The following KLHL1 variants were observed in gnomAD, a reference collection of about 807,000 sequenced individuals.
The protein encoded by KLHL1 is kelch-like protein 1.
A neutral mutation model predicts 77.7 loss-of-function variants in KLHL1; 47 were observed. That is an observed-to-expected ratio of 0.60 (90% CI 0.48 to 0.77). The LOEUF (loss-of-function observed/expected upper bound fraction) is 0.77, where lower values mean the gene tolerates loss of function less well. Among genes scored for constraint, KLHL1 ranks in the 30% least tolerant of loss-of-function variants. The pLI is 0.00. For synonymous variants in KLHL1, 360 were observed against 325.2 expected, an observed-to-expected ratio of 1.11 and a Z score of -1.15; for missense variants, 925 against 910.8, an observed-to-expected ratio of 1.02 and a Z score of -0.20.
intron 1 of KLHL1, among the ~76,000 whole-genome samples, chr13:69,994,299 A>C (rs1593659223): frequency 6.6e-6 from 1 of 152,200 alleles, no homozygotes; most frequent in Middle Eastern, 3.4e-3. Flanking sequence ...AGACAATTAG[A>C]GGGCATGAAC....
chr13:69,738,251 T>C (rs1290655639), intron 8 of KLHL1, among the ~76,000 whole-genome samples: 1 of 151,960 alleles, frequency 6.6e-6, no homozygotes, highest in African/African-American at 2.4e-5. Context: ...GTCAGCAGCT[T>C]CAAAAATCAA....
At chr13:69,992,220 T>G (rs1566480035) in intron 1 of KLHL1, among the ~76,000 whole-genome samples, 1 of 152,002 alleles carries the variant, frequency 6.6e-6, no homozygotes. Context: ...AATAATCCAT[T>G]TAGTTAAATT....
intron 8 of KLHL1, 146 bp downstream of exon 8, chr13:69,740,248 C>T: frequency 1.8e-6 from 1 of 571,420 alleles, no homozygotes; most frequent in East Asian, 2.8e-5. Context: ...GAGAGAGCAC[C>T]AGTCTTTATT....
In KLHL1 at chr13:69,928,434, G is replaced by C. The variant is rs760962557; in HGVS notation, c.1014+11606C>G. The stretch of plus-strand genomic sequence containing the variant: ...TTGTCTGCTGCAACCAGGTATCTCA[G>C]CATATTAACTTGCCATGGGCATTGG... On this transcript the variant is annotated intron_variant, in intron 4 of 10. Coordinates refer to ENST00000377844, the MANE Select transcript of KLHL1 (RefSeq NM_020866.3). Among the ~76,000 whole-genome samples the C allele has an allele frequency of 2.0e-5, 3 of 152,140 alleles. No homozygotes were observed. The East Asian group carries it at 5.8e-4, about 29-fold the overall frequency.
intron 6 of KLHL1, among the ~76,000 whole-genome samples, chr13:69,803,511 A>G (rs1402970966): frequency 1.3e-5 from 2 of 152,136 alleles, no homozygotes; most frequent in Non-Finnish European, 2.9e-5. Context: ...TACATGACCT[A>G]TTTTCCAGAA....
chr13:69,936,746 A>G (rs367745650), intron 4 of KLHL1, among the ~76,000 whole-genome samples: 1 of 152,086 alleles, frequency 6.6e-6, no homozygotes, highest in Non-Finnish European at 1.5e-5. Flanking sequence ...CATTGAAAAA[A>G]CTATGAAGGT....
chr13:69,980,521 G>A (rs1053866652), intron 1 of KLHL1, among the ~76,000 whole-genome samples: 9 of 152,068 alleles, frequency 5.9e-5, no homozygotes, highest in African/African-American at 1.4e-4. Flanking sequence ...TCTGCAATAC[G>A]TCACACCACT....
At chr13:69,975,382 C>T (rs954148768) in intron 2 of KLHL1, among the ~76,000 whole-genome samples, 10 of 151,818 alleles carry the variant, frequency 6.6e-5, no homozygotes, top group African/African-American at 2.4e-4. Context: ...TTTTTGAACA[C>T]TTTATAATTG....
chr13:70,044,640 T>C (rs1886453356), intron 1 of KLHL1, among the ~76,000 whole-genome samples: 3 of 152,164 alleles, frequency 2.0e-5, no homozygotes, highest in Non-Finnish European at 2.9e-5. Flanking sequence ...TATAAACAAA[T>C]GACCTTTGGA....
chr13:70,028,307 C>T (rs1206357698), intron 1 of KLHL1, among the ~76,000 whole-genome samples: 1 of 151,908 alleles, frequency 6.6e-6, no homozygotes, highest in East Asian at 1.9e-4. Context: ...ACTTTGCGGC[C>T]CATGGACAGC....
At position 70,087,062 on chromosome 13, in the gene KLHL1, G is replaced by A. The variant is rs929300749; in HGVS notation, c.497+20141C>T. On this transcript the variant is annotated intron_variant, in intron 1 of 10. Transcript: ENST00000377844. The stretch of plus-strand genomic sequence containing the variant: ...ACTAGAACCAGAGAAAATTACCAGT[G>A]TTTGCGTACAGTCCAGTGAGAGTGG... 1.4e-4 allele frequency among the ~76,000 whole-genome samples: 21 copies of A among 152,096 alleles called. 1 individual carries two copies. The highest frequency in any genetic ancestry group is 2.9e-5 in the Non-Finnish European group (2 of 68,022).
intron 7 of KLHL1, among the ~76,000 whole-genome samples, chr13:69,780,711 T>TATATATATAC (rs1566243654): frequency 2.5e-5 from 1 of 40,016 alleles, no homozygotes. Flanking sequence ...TGTATATATA[T>TATATATATAC]ATATGTATAT....
chr13:69,838,374 T>A (rs1879111953), intron 6 of KLHL1, among the ~76,000 whole-genome samples: 2 of 151,864 alleles, frequency 1.3e-5, no homozygotes, highest in East Asian at 1.9e-4. Context: ...AAGACAGACA[T>A]AAGAAAATCT....
chr13:70,040,427 A>G (rs1886347516), intron 1 of KLHL1, among the ~76,000 whole-genome samples: 1 of 152,108 alleles, frequency 6.6e-6, no homozygotes, highest in Non-Finnish European at 1.5e-5. Context: ...CATGTAATAA[A>G]CCTGCACATG....
At chr13:69,889,880 AT>A (rs1363100375) in intron 4 of KLHL1, among the ~76,000 whole-genome samples, 1 of 152,072 alleles carries the variant, frequency 6.6e-6, no homozygotes, top group Non-Finnish European at 1.5e-5. Context: ...AGCCATTACT[AT>A]TCTGCATCTG....
rs1232740581 is a variant in KLHL1, at chr13:69,794,969, C to T, written c.1639+1769G>A. 3.9e-5 allele frequency among the ~76,000 whole-genome samples: 6 copies of T among 152,218 alleles called. No individual in the cohort carries two copies. In the East Asian group the frequency reaches 9.7e-4, roughly 25 times the overall value. ...AAGATGGAAGGAGGTAAATCAAAGGCTGAAACTTTACATTGGAAGAGCAGC... is the reference window on the plus strand; with the variant it reads ...AAGATGGAAGGAGGTAAATCAAAGGTTGAAACTTTACATTGGAAGAGCAGC... On this transcript the variant is annotated intron_variant, in intron 7 of 10. Coordinates refer to ENST00000377844, the MANE Select transcript of KLHL1 (RefSeq NM_020866.3).
chr13:70,104,158 C>G (rs1372485153), intron 1 of KLHL1, among the ~76,000 whole-genome samples: 1 of 152,016 alleles, frequency 6.6e-6, no homozygotes, highest in African/African-American at 2.4e-5. Context: ...ATCTGAATAT[C>G]CAGGAAATCA....
At chr13:69,973,105 G>A (rs1884440172) in intron 2 of KLHL1, among the ~76,000 whole-genome samples, 1 of 151,694 alleles carries the variant, frequency 6.6e-6, no homozygotes, top group Admixed American at 6.6e-5. Context: ...TATATTAATG[G>A]GTTATCTGAA....
chr13:70,025,536 T>C (rs890868666), intron 1 of KLHL1, among the ~76,000 whole-genome samples: 3 of 151,984 alleles, frequency 2.0e-5, no homozygotes, highest in African/African-American at 4.8e-5. Context: ...TAATTGATTA[T>C]GTTTTTGAGA....
Sources: gnomAD v4.1 joint callset for allele counts (sites outside exome capture counted in the v4.1 genomes callset) on GRCh38, gnomAD v4.1.1 for gene constraint, MANE v1.5 for transcripts, NCBI Gene and HGNC (gene_info 2026-07-23, HGNC 2026-07-21) for gene names.